Variants in SLC1A3 observed in about 807,000 individuals in gnomAD.
The protein encoded by SLC1A3 is excitatory amino acid transporter 1.
SLC1A3 carries 21 observed loss-of-function variants against 48.1 expected under a neutral mutation model. The ratio of observed to expected loss-of-function variants is 0.44; its 90% CI spans 0.31 to 0.63. The LOEUF is 0.63. Among genes scored for constraint, SLC1A3 ranks in the 20% least tolerant of loss-of-function variants. The pLI, the probability that SLC1A3 is intolerant of heterozygous loss-of-function variation, is 0.08. For missense variants in SLC1A3, 546 were observed against 689.0 expected (o/e 0.79, Z 2.32); for synonymous variants, 239 against 251.4 (o/e 0.95, Z 0.47).
intron 3 of SLC1A3, among the ~76,000 whole-genome samples, chr5:36,665,896 T>C (rs1323957562): frequency 1.3e-5 from 2 of 152,234 alleles, no homozygotes; most frequent in Admixed American, 1.3e-4. Flanking sequence ...TACCAACAAT[T>C]TGGAATCTAA....
At chr5:36,671,413 T>G (rs920908867) in intron 4 of SLC1A3, among the ~76,000 whole-genome samples, 180 bp downstream of exon 4, 3 of 152,226 alleles carry the variant, frequency 2.0e-5, no homozygotes, top group African/African-American at 7.2e-5. Flanking sequence ...TTTTCTGATC[T>G]TGTATGAGAG....
At chr5:36,673,276 C>T (rs1336473727) in intron 4 of SLC1A3, among the ~76,000 whole-genome samples, 1 of 152,152 alleles carries the variant, frequency 6.6e-6, no homozygotes, top group Non-Finnish European at 1.5e-5. Context: ...TCTCCTTCTC[C>T]CATAGTCTTT....
chr5:36,637,383 G>A (rs1244343644), intron 3 of SLC1A3, among the ~76,000 whole-genome samples: 4 of 152,156 alleles, frequency 2.6e-5, no homozygotes, highest in East Asian at 1.9e-4. Context: ...AAAGGCATAC[G>A]GCTTTGTTGT....
intron 2 of SLC1A3, among the ~76,000 whole-genome samples, chr5:36,611,449 A>G (rs2111671187): frequency 6.6e-6 from 1 of 152,230 alleles, no homozygotes; most frequent in Admixed American, 6.5e-5. Context: ...CATATATTCA[A>G]AATAAAGCAG....
chr5:36,686,092 A>T lies in SLC1A3; in HGVS notation c.1452A>T (p.Val484=). The change falls in exon 10 of 10, where the codon GTA becomes GTT. Residue 484 remains valine (V), a synonymous_variant. Transcript: ENST00000265113. ...ATCGCCTCCGGACCACCACCAACGT[A>T]CTGGGAGACTCCCTGGGAGCTGGGA... is the stretch of plus-strand genomic sequence containing the variant. ...FLDRLRTTTN[V]LGDSLGAGIV... is the part of the protein sequence containing the mutation. 1 of 1,614,124 alleles carries T rather than the reference A, an allele frequency of 6.2e-7. No individual in the cohort carries two copies. The highest frequency in any genetic ancestry group is 8.5e-7 in the Non-Finnish European group (1 of 1,180,008).
At chr5:36,641,510 G>A (rs1328082907) in intron 3 of SLC1A3, among the ~76,000 whole-genome samples, 1 of 151,934 alleles carries the variant, frequency 6.6e-6, no homozygotes, top group African/African-American at 2.4e-5. Flanking sequence ...GTAATATAGT[G>A]ATTCACACAC....
intron 8 of SLC1A3, 132 bp from the exon 9 acceptor site, chr5:36,683,732 G>A (rs1038261222): frequency 1.2e-5 from 11 of 947,738 alleles, no homozygotes; most frequent in African/African-American, 9.8e-5. Flanking sequence ...TCTCATTTAC[G>A]TTTTTTCTGA....
At position 36,680,561 on chromosome 5, in the gene SLC1A3, C is replaced by G. The variant is rs769918067; in HGVS notation, c.1261C>G (p.Leu421Val). 17 of 1,614,104 alleles carry G rather than the reference C, an allele frequency of 1.1e-5. No homozygotes were observed. The East Asian group carries it at 3.6e-4, about 34-fold the overall frequency. ...IFIAQVNNFE[L>V]NFGQIITISI... ...CATTGCTCAAGTTAACAACTTTGAA[C>G]TGAACTTCGGACAAATTATTACAAT... The change falls in exon 8 of 10, where the codon CTG (leucine) becomes GTG (valine). Residue 421 changes from leucine (L) to valine (V), a missense_variant. Leu to Val is a conservative substitution (Grantham distance 32, BLOSUM62 1). Transcript: ENST00000265113.
chr5:36,618,774 T>C (rs1739549249), intron 2 of SLC1A3, among the ~76,000 whole-genome samples: 2 of 152,208 alleles, frequency 1.3e-5, no homozygotes, highest in Admixed American at 1.3e-4. Flanking sequence ...TTTCTACTTG[T>C]TCATAATAAT....
At position 36,666,684 on chromosome 5, in the gene SLC1A3, G is replaced by T. The variant is rs377369008; in HGVS notation, c.320-4345G>T. Among the ~76,000 whole-genome samples, 24 of 152,298 alleles carry T rather than the reference G, an allele frequency of 1.6e-4. No individual in the cohort carries two copies. In the South Asian group the frequency reaches 5.0e-3, roughly 32 times the overall value. On this transcript the variant is annotated intron_variant, in intron 3 of 9. Transcript: ENST00000265113. ...CCAATGATGGAAACTTGGGAACTTG[G>T]CACATTTTATGTTGTCCTTTAATAC...
intron 3 of SLC1A3, among the ~76,000 whole-genome samples, chr5:36,665,382 GGC>G (rs1561274777): frequency 2.0e-5 from 3 of 152,196 alleles, no homozygotes; most frequent in Non-Finnish European, 4.4e-5. Context: ...CCGCTCTCTT[GGC>G]ACTAAAATTC....
intron 2 of SLC1A3, chr5:36,609,410 A>T: frequency 4.0e-6 from 1 of 248,000 alleles, no homozygotes; most frequent in South Asian, 1.5e-4. Context: ...TTAGATTGAC[A>T]AACATATACG....
chr5:36,629,104 G>A lies in SLC1A3; in HGVS notation c.182-346G>A, dbSNP rs146796795. 8.3e-3 allele frequency among the ~76,000 whole-genome samples: 1,267 copies of A among 152,108 alleles called. 7 individuals carry two copies. The highest frequency in any genetic ancestry group is 0.014 in the Non-Finnish European group (932 of 67,968). On this transcript the variant is annotated intron_variant, in intron 2 of 9. Transcript: ENST00000265113. ...CCTTTTTTTTCTATATCACCTGTTC[G>A]TGAATGCTTATTTGTTTCCTAATTA...
intron 8 of SLC1A3, among the ~76,000 whole-genome samples, chr5:36,683,284 G>C (rs1740318616): frequency 6.6e-6 from 1 of 152,152 alleles, no homozygotes; most frequent in African/African-American, 2.4e-5. Flanking sequence ...TAGAATAATA[G>C]GTCCAACTTC....
intron 3 of SLC1A3, chr5:36,629,910 A>G (rs1287684924): frequency 8.0e-6 from 3 of 374,634 alleles, no homozygotes; most frequent in African/African-American, 6.3e-5. Context: ...AGCGTACAAC[A>G]GGTCTGTTTT....
At chr5:36,622,880 C>G (rs1417441128) in intron 2 of SLC1A3, among the ~76,000 whole-genome samples, 1 of 151,646 alleles carries the variant, frequency 6.6e-6, no homozygotes, top group Non-Finnish European at 1.5e-5. Flanking sequence ...GGTGTGGTGG[C>G]AGGCGCATGT....
At chr5:36,637,746 G>A (rs1295481775) in intron 3 of SLC1A3, among the ~76,000 whole-genome samples, 4 of 152,112 alleles carry the variant, frequency 2.6e-5, no homozygotes, top group Non-Finnish European at 5.9e-5. Flanking sequence ...GGTTGGAGGT[G>A]GGGAATACTT....
At chr5:36,667,735 A>G (rs186104681) in intron 3 of SLC1A3, 1 of 152,316 alleles carries the variant, frequency 6.6e-6, no homozygotes, top group East Asian at 1.9e-4. Context: ...CACACACACA[A>G]ATGTGTCATT....
intron 2 of SLC1A3, among the ~76,000 whole-genome samples, chr5:36,614,697 C>A (rs988136450): frequency 6.6e-6 from 1 of 152,110 alleles, no homozygotes; most frequent in Non-Finnish European, 1.5e-5. Context: ...TCATACCTCT[C>A]AGGGCCAATC....
Sources: gnomAD v4.1 joint callset for allele counts (sites outside exome capture counted in the v4.1 genomes callset) on GRCh38, gnomAD v4.1.1 for gene constraint, MANE v1.5 for transcripts, NCBI Gene and HGNC (gene_info 2026-07-23, HGNC 2026-07-21) for gene names.